The following TCAF1 variants were observed in gnomAD, a reference collection of about 807,000 sequenced individuals.
The protein encoded by TCAF1 is TRPM8 channel associated factor 1.
TCAF1 carries 4 observed loss-of-function variants against 27.3 expected under a neutral mutation model. The observed-to-expected ratio is 0.15, with a 90% confidence interval of 0.07 to 0.34. TCAF1 has a LOEUF of 0.34. Ranked by LOEUF, TCAF1 falls within the 10% of genes least tolerant of loss-of-function variation. The pLI is 1.00. For synonymous variants in TCAF1, 105 were observed against 167.1 expected, an observed-to-expected ratio of 0.63 and a Z score of 2.87; for missense variants, 257 against 425.8, an observed-to-expected ratio of 0.60 and a Z score of 3.49.
At position 143,876,152 on chromosome 7, in the gene TCAF1, G is replaced by T. The variant is rs1812687185; in HGVS notation, c.457C>A (p.Gln153Lys). 1.2e-6 allele frequency: 2 copies of T among 1,614,218 alleles called. No individual in the cohort carries two copies. Among genetic ancestry groups the T allele is most frequent in the Non-Finnish European group, 1.7e-6 (2 of 1,180,042 alleles). The change falls in exon 2 of 9, where the codon CAA (glutamine) becomes AAA (lysine). Residue 153 changes from glutamine (Q) to lysine (K), a missense_variant. Coordinates refer to ENST00000479870, the MANE Select transcript of TCAF1 (RefSeq NM_014719.3). Reference sequence around the variant, plus strand: ...CCCTGGTTGGCCCAATCCCAGGCTTGTCCTCCTATGAGCAAGCCGCCACCA... The same window carrying T: ...CCCTGGTTGGCCCAATCCCAGGCTTTTCCTCCTATGAGCAAGCCGCCACCA... ...KCGGGLLIGG[Q>K]AWDWANQGED...
At chr7:143,886,699 CCT>C (rs1491416779) in intron 1 of TCAF1, among the ~76,000 whole-genome samples, 7 of 123,984 alleles carry the variant, frequency 5.6e-5, no homozygotes, top group Admixed American at 1.6e-4. Context: ...TCAAATTTTA[CCT>C]TTTTTTTTTT....
chr7:143,875,989 C>A lies in TCAF1; in HGVS notation c.620G>T (p.Ser207Ile). Residue 207 changes from serine (S) to isoleucine (I), a missense_variant and splice_region_variant, in exon 2 of 9, where the codon AGT (serine) becomes ATT (isoleucine). This residue lies in a region of TCAF1 where 255 missense variants were observed against 260.1 expected (regional missense o/e 0.98). Transcript: ENST00000479870. The stretch of plus-strand genomic sequence containing the variant: ...CTCCCCAGTGGGGTAACATACTCAC[C>A]TAACCAACACTGGGATCTTGGGCAT... ...KKMPKIPVLV[S>I]CEDDLSDDRE... The A allele has an allele frequency of 6.5e-7, 1 of 1,546,938 alleles. No individual in the cohort carries two copies. The highest frequency in any genetic ancestry group is 1.3e-5 in the South Asian group (1 of 78,972).
At position 143,859,988 on chromosome 7, in the gene TCAF1, A is replaced by T. The variant is rs181894413; in HGVS notation, c.2167+220T>A. Among the ~76,000 whole-genome samples, 70 of 6,636 alleles carry T rather than the reference A, an allele frequency of 0.011. 1 individual carries two copies. In the South Asian group the frequency reaches 0.12, roughly 12 times the overall value. The allele number at this position is 6,636 out of a possible 152,430, so 4.4% of individuals were successfully genotyped here. On this transcript the variant is annotated intron_variant, in intron 6 of 8. Transcript: ENST00000479870. ...TATATTATATAATATATATTATATA[A>T]TATATATTATATAATATATATATAA...
At chr7:143,885,897 C>T (rs557500653) in intron 1 of TCAF1, among the ~76,000 whole-genome samples, 1 of 152,108 alleles carries the variant, frequency 6.6e-6, no homozygotes, top group Non-Finnish European at 1.5e-5. Flanking sequence ...TCAATAGTCA[C>T]ACGCATTATT....
intron 1 of TCAF1, among the ~76,000 whole-genome samples, chr7:143,879,289 A>C (rs1812888240): frequency 6.6e-6 from 1 of 152,218 alleles, no homozygotes; most frequent in Admixed American, 6.5e-5. Flanking sequence ...GTAATGGAAA[A>C]TATATCATGT....
chr7:143,872,041 G>A (rs1366239225), intron 2 of TCAF1, among the ~76,000 whole-genome samples: 5 of 66,408 alleles, frequency 7.5e-5, no homozygotes, highest in African/African-American at 2.8e-4. Flanking sequence ...TGAACTGAGT[G>A]TAATCATGAA....
At chr7:143,897,949 T>C (rs1813962293) in intron 1 of TCAF1, among the ~76,000 whole-genome samples, 1 of 152,120 alleles carries the variant, frequency 6.6e-6, no homozygotes, top group Non-Finnish European at 1.5e-5. Flanking sequence ...CACGTATAAA[T>C]ATAAATATCC....
At chr7:143,859,898 T>C (rs1333612324) in intron 6 of TCAF1, among the ~76,000 whole-genome samples, 1,646 of 76,162 alleles carry the variant, frequency 0.022, 71 homozygotes, top group Middle Eastern at 0.043. Flanking sequence ...TAATATATAT[T>C]ATATAATATA....
chr7:143,896,462 T>C (rs1586801908), intron 1 of TCAF1, among the ~76,000 whole-genome samples: 1 of 152,044 alleles, frequency 6.6e-6, no homozygotes, highest in Non-Finnish European at 1.5e-5. Flanking sequence ...ATATGTAAGA[T>C]TGGGTTGTAT....
In TCAF1 at chr7:143,870,271, TCA is replaced by T. The variant is rs1812388775; in HGVS notation, c.620+5716_620+5717del. ...TTCTTCTACAGATTTTGGGTTTAAT[TCA>T]ATTTCCTTTTTTAGATTCTTAATAT... On this transcript the variant is annotated intron_variant, in intron 2 of 8. Coordinates refer to ENST00000479870, the MANE Select transcript of TCAF1 (RefSeq NM_014719.3). Among the ~76,000 whole-genome samples the T allele has an allele frequency of 4.0e-5, 6 of 151,270 alleles. No individual in the cohort carries two copies. In the South Asian group the frequency reaches 1.3e-3, roughly 32 times the overall value.
At chr7:143,871,355 A>C (rs1346457686) in intron 2 of TCAF1, among the ~76,000 whole-genome samples, 4 of 143,696 alleles carry the variant, frequency 2.8e-5, no homozygotes, top group African/African-American at 7.6e-5. Context: ...CCTTCAAAAA[A>C]TACTGACTAT....
intron 1 of TCAF1, chr7:143,885,034 G>A (rs988380206): frequency 1.6e-5 from 16 of 985,324 alleles, no homozygotes; most frequent in Admixed American, 1.2e-4. Context: ...GGCCAAAAAC[G>A]CGACCACTTT....
rs996574143 is a variant in TCAF1 at position 143,885,221 on chromosome 7, G to A, written c.-14-8599C>T. 2.2e-5 allele frequency: 22 copies of A among 985,462 alleles called. No homozygotes were observed. The African/African-American group carries it at 3.8e-4, about 17-fold the overall frequency. 61.0% of individuals were successfully genotyped at this position (985,462 alleles called of 1,614,324 possible). A position where few individuals can be genotyped will look rare whatever the true frequency, so the allele number is the denominator to read the frequency against. ...TGGACGAGACTCACCCTTTCGTCCA[G>A]CAATTTCCACACCAGGCTACTTTGG... On this transcript the variant is annotated intron_variant, in intron 1 of 8. Transcript: ENST00000479870.
intron 1 of TCAF1, among the ~76,000 whole-genome samples, chr7:143,883,751 C>T (rs1050063814): frequency 1.3e-5 from 2 of 152,118 alleles, no homozygotes; most frequent in African/African-American, 4.8e-5. Context: ...GTGATCCGCC[C>T]GCCTCGGCCT....
At chr7:143,868,679 ATT>A (rs1482433729) in intron 2 of TCAF1, among the ~76,000 whole-genome samples, 2 of 37,622 alleles carry the variant, frequency 5.3e-5, no homozygotes, top group Non-Finnish European at 1.2e-4. Flanking sequence ...ATATATATAT[ATT>A]TTTTTAAATT....
intron 2 of TCAF1, among the ~76,000 whole-genome samples, chr7:143,874,553 C>T (rs1304692124): frequency 8.6e-5 from 12 of 139,782 alleles, no homozygotes; most frequent in Non-Finnish European, 1.4e-4. Flanking sequence ...ATTTGTACGG[C>T]GTTCTTTTCT....
At chr7:143,886,443 T>A in intron 1 of TCAF1, 1 of 930,572 alleles carries the variant, frequency 1.1e-6, no homozygotes, top group Admixed American at 6.2e-5. Context: ...TTTCAACTGC[T>A]CCAACTACAG....
chr7:143,897,131 A>AATATATATATATATATATATAT (rs5888117), intron 1 of TCAF1, among the ~76,000 whole-genome samples: 1 of 80,384 alleles, frequency 1.2e-5, no homozygotes, highest in African/African-American at 4.0e-5. Context: ...GTTAATCTTG[A>AATATATATATATATATATATAT]ATATATATAT....
chr7:143,894,723 A>G (rs1813794694), intron 1 of TCAF1, among the ~76,000 whole-genome samples: 2 of 151,738 alleles, frequency 1.3e-5, no homozygotes, highest in Admixed American at 1.3e-4. Flanking sequence ...TAGATATTAT[A>G]AAAATTAAAT....
Sources: gnomAD v4.1 joint callset for allele counts (sites outside exome capture counted in the v4.1 genomes callset) on GRCh38, gnomAD v4.1.1 for gene constraint, gnomAD v4.1.1 regional missense constraint, MANE v1.5 for transcripts, NCBI Gene and HGNC (gene_info 2026-07-23, HGNC 2026-07-21) for gene names.